FLI1: variants seen among roughly 807,000 people sequenced by gnomAD.
FLI1 encodes the protein Fli-1 proto-oncogene, ETS transcription factor, also known as Friend leukemia integration 1 transcription factor.
FLI1 carries 13 observed loss-of-function variants against 53.1 expected under a neutral mutation model. The ratio of observed to expected loss-of-function variants is 0.24; its 90% CI spans 0.16 to 0.39. The LOEUF (loss-of-function observed/expected upper bound fraction) is 0.39. Among genes scored for constraint, FLI1 ranks in the 10% least tolerant of loss-of-function variants. The pLI is 1.00. For synonymous variants in FLI1, 244 were observed against 236.7 expected, an observed-to-expected ratio of 1.03 and a Z score of -0.28; for missense variants, 424 against 600.5, an observed-to-expected ratio of 0.71 and a Z score of 3.07.
chr11:128,756,810 C>T (rs990454267), intron 1 of FLI1, among the ~76,000 whole-genome samples: 3 of 152,134 alleles, frequency 2.0e-5, no homozygotes, highest in African/African-American at 7.2e-5. Flanking sequence ...GCCTGTGATT[C>T]GATGAGACAT....
chr11:128,757,052 CTTTCT>C (rs1565484250), intron 1 of FLI1, among the ~76,000 whole-genome samples: 9 of 93,404 alleles, frequency 9.6e-5, no homozygotes, highest in African/African-American at 4.1e-4. Flanking sequence ...TTTTTTCTTT[CTTTCT>C]TTCTTTCTTT....
chr11:128,783,753 T>C (rs1005655376), intron 5 of FLI1, among the ~76,000 whole-genome samples: 3 of 152,248 alleles, frequency 2.0e-5, no homozygotes, highest in African/African-American at 7.2e-5. Context: ...AGGCCAGCCC[T>C]GACTCTGGAG....
intron 1 of FLI1, among the ~76,000 whole-genome samples, chr11:128,726,732 G>T (rs922420881): frequency 2.0e-5 from 3 of 152,202 alleles, no homozygotes; most frequent in Non-Finnish European, 4.4e-5. Context: ...GTCTTGGGGT[G>T]CTTTGCCCAT....
intron 1 of FLI1, among the ~76,000 whole-genome samples, chr11:128,688,119 C>G (rs1341386895): frequency 2.6e-5 from 4 of 152,120 alleles, no homozygotes; most frequent in African/African-American, 9.7e-5. Flanking sequence ...TTGTAAATGG[C>G]CCCGGGGAGG....
At chr11:128,738,001 G>C (rs1310417952) in intron 1 of FLI1, among the ~76,000 whole-genome samples, 3 of 152,134 alleles carry the variant, frequency 2.0e-5, no homozygotes, top group Admixed American at 1.3e-4. Flanking sequence ...AAGCTGGAAG[G>C]GATCAACAAG....
intron 5 of FLI1, chr11:128,803,900 C>T (rs1356983498): frequency 6.6e-6 from 1 of 152,158 alleles, no homozygotes; most frequent in Non-Finnish European, 1.5e-5. Context: ...AGAAGAATCC[C>T]TTTAGAGGAG....
intron 2 of FLI1, among the ~76,000 whole-genome samples, chr11:128,763,684 C>T (rs774678049): frequency 3.9e-5 from 6 of 152,258 alleles, no homozygotes; most frequent in East Asian, 3.9e-4. Flanking sequence ...TCTCTGGCTG[C>T]GAGGCCCCTT....
At chr11:128,750,024 G>A (rs1207791208) in intron 1 of FLI1, among the ~76,000 whole-genome samples, 3 of 152,220 alleles carry the variant, frequency 2.0e-5, no homozygotes, top group African/African-American at 7.2e-5. Flanking sequence ...TAAGTATCTT[G>A]TTCGCATTTC....
intron 1 of FLI1, among the ~76,000 whole-genome samples, chr11:128,749,440 T>A (rs1940551464): frequency 6.6e-6 from 1 of 152,190 alleles, no homozygotes; most frequent in Non-Finnish European, 1.5e-5. Context: ...ATACGGTTGC[T>A]CAGCTTGGGC....
At chr11:128,802,273 CT>C in intron 5 of FLI1, among the ~76,000 whole-genome samples, 2 of 152,202 alleles carry the variant, frequency 1.3e-5, no homozygotes, top group Admixed American at 6.5e-5. Flanking sequence ...TAACTTAAAT[CT>C]TACATTGACC....
At chr11:128,775,711 G>T (rs1297049637) in intron 4 of FLI1, among the ~76,000 whole-genome samples, 1 of 152,244 alleles carries the variant, frequency 6.6e-6, no homozygotes, top group Non-Finnish European at 1.5e-5. Flanking sequence ...GAAGGCCAGT[G>T]CTTGTGGAGA....
chr11:128,794,741 T>A (rs1216859160), intron 5 of FLI1, among the ~76,000 whole-genome samples: 3 of 152,134 alleles, frequency 2.0e-5, no homozygotes, highest in Non-Finnish European at 4.4e-5. Flanking sequence ...AGGTTGTGAG[T>A]GGGCTTTTTC....
At chr11:128,782,851 T>A (rs982425428) in intron 5 of FLI1, among the ~76,000 whole-genome samples, 1 of 152,232 alleles carries the variant, frequency 6.6e-6, no homozygotes, top group African/African-American at 2.4e-5. Flanking sequence ...TTCCTCAGCG[T>A]CTTTATGAAA....
intron 1 of FLI1, among the ~76,000 whole-genome samples, chr11:128,695,335 C>T (rs1048434679): frequency 6.6e-6 from 1 of 152,224 alleles, no homozygotes; most frequent in Non-Finnish European, 1.5e-5. Context: ...CTTAGAGGAC[C>T]TAGGGGAATG....
chr11:128,749,237 T>C (rs1388696810), intron 1 of FLI1, among the ~76,000 whole-genome samples: 4 of 152,146 alleles, frequency 2.6e-5, no homozygotes, highest in Non-Finnish European at 4.4e-5. Context: ...GGGTTTTCGG[T>C]TGCTGAGTAA....
chr11:128,722,223 G>T (rs918251086), intron 1 of FLI1, among the ~76,000 whole-genome samples: 1 of 152,172 alleles, frequency 6.6e-6, no homozygotes, highest in South Asian at 2.1e-4. Flanking sequence ...TTACTATATG[G>T]CTGAGCCTAG....
chr11:128,746,030 TG>T (rs1940373350), intron 1 of FLI1, among the ~76,000 whole-genome samples: 1 of 152,226 alleles, frequency 6.6e-6, no homozygotes, highest in East Asian at 1.9e-4. Flanking sequence ...TCACTGGGTG[TG>T]GCTGCTTTAA....
chr11:128,803,968 T>C (rs1942704581), intron 5 of FLI1: 2 of 152,286 alleles, frequency 1.3e-5, no homozygotes, highest in South Asian at 2.1e-4. Flanking sequence ...TTTGTCTCTC[T>C]CTTTTGTCCC....
intron 5 of FLI1, among the ~76,000 whole-genome samples, chr11:128,786,925 T>TGGAGCCTTTCA (rs1942104794): frequency 1.3e-5 from 2 of 152,354 alleles, no homozygotes; most frequent in South Asian, 4.1e-4. Flanking sequence ...AGCCCCAGCC[T>TGGAGCCTTTCA]GGAGCCTTTC....
Sources: gnomAD v4.1 joint callset for allele counts (sites outside exome capture counted in the v4.1 genomes callset) on GRCh38, gnomAD v4.1.1 for gene constraint, MANE v1.5 for transcripts, NCBI Gene and HGNC (gene_info 2026-07-23, HGNC 2026-07-21) for gene names.